Variants in UNC13A observed in about 807,000 individuals in gnomAD.
The protein encoded by UNC13A is unc-13 homolog A, also known as protein unc-13 homolog A.
In UNC13A, 61 loss-of-function variants were observed where a neutral mutation model predicts 219.7. That is an observed-to-expected ratio of 0.28 (90% CI 0.23 to 0.34). UNC13A has a LOEUF of 0.34. Among genes scored for constraint, UNC13A ranks in the 10% least tolerant of loss-of-function variants. The pLI, the probability that UNC13A is intolerant of heterozygous loss-of-function variation, is 1.00. For synonymous variants in UNC13A, 920 were observed against 884.6 expected (o/e 1.04, Z -0.71); for missense variants, 1,476 against 2,270.3 (o/e 0.65, Z 7.11).
At chr19:17,664,922 A>G (rs1434743340) in intron 7 of UNC13A, among the ~76,000 whole-genome samples, 1 of 152,168 alleles carries the variant, frequency 6.6e-6, no homozygotes, top group Non-Finnish European at 1.5e-5. Context: ...AAAAGGTGCC[A>G]GGCATGGTGG....
chr19:17,687,159 C>T (rs2080129239), intron 1 of UNC13A, among the ~76,000 whole-genome samples: 1 of 152,192 alleles, frequency 6.6e-6, no homozygotes. Flanking sequence ...GTTGGGCTGG[C>T]TTCCCCACGA....
intron 12 of UNC13A, among the ~76,000 whole-genome samples, chr19:17,651,173 A>C (rs112114861): frequency 0.032 from 4,835 of 151,708 alleles, 269 homozygotes; most frequent in African/African-American, 0.11. Context: ...TCCTGACCTC[A>C]GGTGATCAAC....
chr19:17,620,824 C>T (rs2076721828), intron 37 of UNC13A, 102 bp from the exon 38 acceptor site: 2 of 1,368,272 alleles, frequency 1.5e-6, no homozygotes, highest in South Asian at 2.5e-5. Flanking sequence ...CTTCCCAGCC[C>T]AGGAGCTCCT....
chr19:17,674,066 C>T lies in UNC13A; in HGVS notation c.152+591G>A, dbSNP rs563628721. On this transcript the variant is annotated intron_variant, in intron 3 of 43. Coordinates refer to ENST00000519716, the MANE Select transcript of UNC13A (RefSeq NM_001080421.3). The surrounding 1 kb of genome is among the most constrained non-coding windows in gnomAD (Gnocchi z 5.0). ...GGCAAGGCCTGGGAAGGCATGATGC[C>T]CTGAAATTGTAGCTTGGAGGTAGTG... Among the ~76,000 whole-genome samples the T allele has an allele frequency of 1.9e-4, 29 of 152,274 alleles. No homozygotes were observed. The highest frequency in any genetic ancestry group is 6.7e-4 in the African/African-American group (28 of 41,568).
chr19:17,647,548 A>G (rs1422461460), intron 16 of UNC13A, 56 bp from the exon 17 acceptor site: 6 of 1,543,922 alleles, frequency 3.9e-6, no homozygotes, highest in Middle Eastern at 1.8e-4. Flanking sequence ...GTGGCCCCTC[A>G]CCAAGGCGAG....
chr19:17,675,572 A>G (rs1250575853), intron 2 of UNC13A, among the ~76,000 whole-genome samples: 11 of 150,084 alleles, frequency 7.3e-5, no homozygotes, highest in Non-Finnish European at 1.0e-4. Flanking sequence ...CAGAGGTTGC[A>G]GTGAGCCGAG....
chr19:17,610,066 G>C lies in UNC13A; in HGVS notation c.4685C>G (p.Ser1562Cys). ...CTCGATGAACGGCCGGAAGATGCCAGAAGTCTGCCACTTGAGGTCATTGGC... is the reference window on the plus strand; with the variant it reads ...CTCGATGAACGGCCGGAAGATGCCACAAGTCTGCCACTTGAGGTCATTGGC... ...VAANDLKWQT[S>C]GIFRPFIEVN... The change falls in exon 43 of 44, where the codon TCT (serine) becomes TGT (cysteine). Residue 1562 changes from serine (S) to cysteine (C), a missense_variant. Ser to Cys is a moderately radical substitution (Grantham distance 112). Around this residue, in one of 14 missense-constraint regions of UNC13A, gnomAD observed 77 missense variants for 94.8 expected, o/e 0.81. Coordinates refer to ENST00000519716, the MANE Select transcript of UNC13A (RefSeq NM_001080421.3). The C allele has an allele frequency of 1.9e-6, 3 of 1,614,080 alleles. No homozygotes were observed. Among genetic ancestry groups the C allele is most frequent in the Non-Finnish European group, 2.5e-6 (3 of 1,179,906 alleles).
rs2076519487 is a variant in UNC13A, at chr19:17,605,915, A to T, written c.*139T>A. On this transcript the variant is annotated 3_prime_UTR_variant, in exon 44 of 44. Transcript: ENST00000519716. ...TTCCCCAAAAGGGAAAGCTGAGTCA[A>T]GGGCGTAGGCGCAGCCCACCCTTGG... 1 of 784,492 alleles carries T rather than the reference A, an allele frequency of 1.3e-6. No individual in the cohort carries two copies. Among genetic ancestry groups the T allele is most frequent in the Non-Finnish European group, 1.8e-6 (1 of 551,814 alleles). The allele number at this position is 784,492 out of a possible 1,614,324, so 48.6% of individuals were successfully genotyped here. A position where few individuals can be genotyped will look rare whatever the true frequency, so the allele number is the denominator to read the frequency against.
intron 11 of UNC13A, among the ~76,000 whole-genome samples, 181 bp from the exon 12 acceptor site, chr19:17,652,858 G>GATC (rs1344091944): frequency 3.3e-5 from 5 of 152,152 alleles, no homozygotes; most frequent in Admixed American, 3.3e-4. Flanking sequence ...CCATCTGTAA[G>GATC]ATGGGCTGGG....
At chr19:17,664,757 C>T (rs1439756581) in intron 7 of UNC13A, among the ~76,000 whole-genome samples, 1 of 152,124 alleles carries the variant, frequency 6.6e-6, no homozygotes, top group East Asian at 1.9e-4. Context: ...AATATCACTC[C>T]CCAAGTTAGT....
intron 11 of UNC13A, among the ~76,000 whole-genome samples, chr19:17,653,099 A>T (rs539480193): frequency 6.6e-6 from 1 of 151,948 alleles, no homozygotes; most frequent in South Asian, 2.1e-4. Context: ...CCTTCCCTCC[A>T]TCTTGTAACT....
In UNC13A at chr19:17,656,194, C is replaced by T. The variant is rs919786776; in HGVS notation, c.972G>A (p.Leu324=). 1 of 1,552,198 alleles carries T rather than the reference C, an allele frequency of 6.4e-7. No homozygotes were observed. Among genetic ancestry groups the T allele is most frequent in the Non-Finnish European group, 8.7e-7 (1 of 1,147,082 alleles). The stretch of plus-strand genomic sequence containing the variant: ...CCAGGAAGTCCTCCAGGTCCTCCTC[C>T]AGCTCTTCCTCATCCTGGTCCCAGC... ...SPRWDQDEEE[L]EEDLEDFLEE... Residue 324 remains leucine (L), a synonymous_variant, in exon 10 of 44, where the codon CTG becomes CTA. Transcript: ENST00000519716.
intron 12 of UNC13A, among the ~76,000 whole-genome samples, chr19:17,652,276 C>T (rs2079362853): frequency 1.3e-5 from 2 of 152,026 alleles, no homozygotes; most frequent in Non-Finnish European, 1.5e-5. Context: ...GGATTACAGG[C>T]GCCTGCCAGC....
At position 17,623,482 on chromosome 19, in the gene UNC13A, G is replaced by A. The variant is rs2076750714; in HGVS notation, c.4203+60C>T. On this transcript the variant is annotated intron_variant, in intron 36 of 43. Coordinates refer to ENST00000519716, the MANE Select transcript of UNC13A (RefSeq NM_001080421.3). Reference sequence around the variant, plus strand: ...GGGGAGAGGGGTGCAGCGACGCGGTGGGCCGAGTCCAGACACAGAGAGGAC... The same window carrying A: ...GGGGAGAGGGGTGCAGCGACGCGGTAGGCCGAGTCCAGACACAGAGAGGAC... The A allele has an allele frequency of 8.3e-6, 12 of 1,441,316 alleles. No homozygotes were observed. In the South Asian group the frequency reaches 1.4e-4, roughly 17 times the overall value. The allele number at this position is 1,441,316 out of a possible 1,614,324, so 89.3% of individuals were successfully genotyped here. A position where few individuals can be genotyped will look rare whatever the true frequency, so the allele number is the denominator to read the frequency against.
chr19:17,632,763 C>A lies in UNC13A; in HGVS notation c.3428+19G>T, dbSNP rs115553702. 1,530 of 1,613,328 alleles carry A rather than the reference C, an allele frequency of 9.5e-4. 6 individuals carry two copies. The African/African-American group carries it at 0.018, about 19-fold the overall frequency. Reference sequence around the variant, plus strand: ...TGCTACAGTTCTGGCTTGGGTTGGGCCTGGGGCAGGGGACTTACGCAGGGT... The same window carrying A: ...TGCTACAGTTCTGGCTTGGGTTGGGACTGGGGCAGGGGACTTACGCAGGGT... On this transcript the variant is annotated intron_variant, in intron 28 of 43. Coordinates refer to ENST00000519716, the MANE Select transcript of UNC13A (RefSeq NM_001080421.3).
Position 17,618,452 on chromosome 19 carries a change from G to T in UNC13A, c.4379C>A (p.Ala1460Glu). Residue 1460 changes from alanine (A) to glutamate (E), a missense_variant, in exon 40 of 44, where the codon GCG becomes GAG. Ala to Glu is a moderately radical substitution (Grantham distance 107). This residue lies in a region of UNC13A where 75 missense variants were observed against 100.2 expected (regional missense o/e 0.75). Transcript: ENST00000519716. ...EAKSLTPKQCAVVELALDTIK... is the reference protein window; with the variant it reads ...EAKSLTPKQCEVVELALDTIK... Reference sequence around the variant, plus strand: ...GGTGTCCAGGGCCAACTCAACAACCGCGCACTGCTTTGGGGTCAAGCTCTT... The same window carrying T: ...GGTGTCCAGGGCCAACTCAACAACCTCGCACTGCTTTGGGGTCAAGCTCTT... 1 of 1,591,644 alleles carries T rather than the reference G, an allele frequency of 6.3e-7. No homozygotes were observed. Among genetic ancestry groups the T allele is most frequent in the South Asian group, 1.1e-5 (1 of 87,824 alleles).
At chr19:17,657,254 C>T (rs534499611) in intron 9 of UNC13A, among the ~76,000 whole-genome samples, 6 of 152,326 alleles carry the variant, frequency 3.9e-5, no homozygotes, top group African/African-American at 1.4e-4. Flanking sequence ...CCCGCCTCCT[C>T]CATTCCGGCC....
At chr19:17,653,455 C>G (rs965663910) in intron 11 of UNC13A, among the ~76,000 whole-genome samples, 56 of 151,854 alleles carry the variant, frequency 3.7e-4, no homozygotes, top group African/African-American at 1.2e-3. Context: ...TCAAGCGATT[C>G]TCCTGCCTCA....
intron 36 of UNC13A, chr19:17,622,649 T>C (rs902830830): frequency 6.5e-6 from 1 of 152,966 alleles, no homozygotes; most frequent in African/African-American, 2.5e-5. Context: ...CATGTCTGCA[T>C]ATCACCACCA....
Sources: gnomAD v4.1 joint callset for allele counts (sites outside exome capture counted in the v4.1 genomes callset) on GRCh38, gnomAD v4.1.1 for gene constraint, gnomAD v4.1.1 regional missense constraint, Gnocchi (gnomAD v3.1) non-coding constraint, MANE v1.5 for transcripts, NCBI Gene and HGNC (gene_info 2026-07-23, HGNC 2026-07-21) for gene names.